Variants in ULK4 observed in about 807,000 individuals in gnomAD.
ULK4 encodes unc-51 like kinase 4, also known as inactive serine/threonine-protein kinase ULK4.
A neutral mutation model predicts 160.6 loss-of-function variants in ULK4; 133 were observed. The observed-to-expected ratio is 0.83, with a 90% confidence interval of 0.72 to 0.96. The LOEUF (loss-of-function observed/expected upper bound fraction) is 0.96. Among genes scored for constraint, ULK4 ranks in the 40% least tolerant of loss-of-function variants. The pLI, the probability that ULK4 is intolerant of heterozygous loss-of-function variation, is 0.00. For synonymous variants in ULK4, 534 were observed against 539.8 expected, an observed-to-expected ratio of 0.99 and a Z score of 0.15; for missense variants, 1,580 against 1,499.5, an observed-to-expected ratio of 1.05 and a Z score of -0.89.
Position 41,663,672 on chromosome 3 carries a change from G to C in ULK4, c.3006C>G (p.Asp1002Glu), listed in dbSNP as rs747942093. 2.7e-5 allele frequency: 44 copies of C among 1,613,790 alleles called. No homozygotes were observed. The highest frequency in any genetic ancestry group is 3.3e-5 in the Non-Finnish European group (39 of 1,179,890). ...GTTTCAGAGCATATGCTGGTACTGG[G>C]TCAGGTTCTAAAAGAATGTGCTCAT... is the stretch of plus-strand genomic sequence containing the variant. ...PQYEHILLEPDPVPAYALKLL... is the reference protein window; with the variant it reads ...PQYEHILLEPEPVPAYALKLL... Residue 1002 changes from aspartate to glutamate, a missense_variant, in exon 30 of 37, where the codon GAC (aspartate) becomes GAG (glutamate). Asp to Glu is a conservative substitution (Grantham distance 45). Coordinates refer to ENST00000301831, the MANE Select transcript of ULK4 (RefSeq NM_017886.4).
intron 35 of ULK4, among the ~76,000 whole-genome samples, chr3:41,380,696 G>A (rs2081630155): frequency 6.6e-6 from 1 of 152,010 alleles, no homozygotes; most frequent in South Asian, 2.1e-4. Flanking sequence ...TAAAGCCCAG[G>A]CCCCCCAGGT....
chr3:41,896,060 A>C (rs1164887211), intron 15 of ULK4, among the ~76,000 whole-genome samples: 2 of 152,178 alleles, frequency 1.3e-5, no homozygotes, highest in African/African-American at 4.8e-5. Context: ...AGACAGTCCA[A>C]AAAGTAATAT....
chr3:41,629,190 C>T (rs912359311), intron 30 of ULK4, among the ~76,000 whole-genome samples: 3 of 152,108 alleles, frequency 2.0e-5, no homozygotes, highest in Admixed American at 6.6e-5. Context: ...GGGGATGACT[C>T]GTCTTTGTTT....
At chr3:41,316,366 T>C (rs998142895) in intron 35 of ULK4, among the ~76,000 whole-genome samples, 1 of 152,188 alleles carries the variant, frequency 6.6e-6, no homozygotes, top group African/African-American at 2.4e-5. Flanking sequence ...AACCATTGAG[T>C]TGTACCTTTT....
At chr3:41,640,245 G>A (rs930901041) in intron 30 of ULK4, among the ~76,000 whole-genome samples, 3 of 152,138 alleles carry the variant, frequency 2.0e-5, no homozygotes, top group African/African-American at 7.2e-5. Context: ...ATACAAAACT[G>A]TAGAAACTCC....
At chr3:41,852,328 A>G (rs1388098449) in intron 17 of ULK4, among the ~76,000 whole-genome samples, 3 of 152,242 alleles carry the variant, frequency 2.0e-5, no homozygotes, top group African/African-American at 7.2e-5. Flanking sequence ...TTTTCATTTT[A>G]AAAAGTATAC....
chr3:41,468,444 C>T (rs1415558923), intron 32 of ULK4, among the ~76,000 whole-genome samples: 1 of 152,026 alleles, frequency 6.6e-6, no homozygotes, highest in Non-Finnish European at 1.5e-5. Context: ...CAAGGAATAA[C>T]TAGAATTAAA....
At chr3:41,955,983 A>G (rs1700469627) in intron 1 of ULK4, among the ~76,000 whole-genome samples, 1 of 152,178 alleles carries the variant, frequency 6.6e-6, no homozygotes, top group African/African-American at 2.4e-5. Flanking sequence ...GTCTGGAGGC[A>G]GGGAACCTAA....
intron 32 of ULK4, among the ~76,000 whole-genome samples, chr3:41,506,777 T>TATATATATATAA (rs2085402817): frequency 5.7e-5 from 1 of 17,426 alleles, no homozygotes; most frequent in African/African-American, 1.3e-4. Context: ...AATATATATA[T>TATATATATATAA]ATATATATAT....
At chr3:41,416,877 G>C (rs1251404563) in intron 34 of ULK4, among the ~76,000 whole-genome samples, 1 of 152,188 alleles carries the variant, frequency 6.6e-6, no homozygotes, top group Non-Finnish European at 1.5e-5. Flanking sequence ...ACTAGAGTTA[G>C]AATAAGGAAT....
intron 32 of ULK4, among the ~76,000 whole-genome samples, chr3:41,487,324 G>C (rs910585895): frequency 6.6e-6 from 1 of 152,048 alleles, no homozygotes; most frequent in African/African-American, 2.4e-5. Context: ...GATTTTTGAG[G>C]AACATAACAA....
intron 35 of ULK4, among the ~76,000 whole-genome samples, chr3:41,362,297 T>G (rs1257647287): frequency 6.6e-6 from 1 of 152,188 alleles, no homozygotes; most frequent in Non-Finnish European, 1.5e-5. Context: ...GAATTTTTTT[T>G]AGAACAAAGA....
At chr3:41,905,492 T>C (rs1348073263) in intron 12 of ULK4, among the ~76,000 whole-genome samples, 3 of 151,790 alleles carry the variant, frequency 2.0e-5, no homozygotes, top group Non-Finnish European at 2.9e-5. Flanking sequence ...AAAAGATAAA[T>C]TGGACTATAT....
intron 33 of ULK4, among the ~76,000 whole-genome samples, chr3:41,459,047 C>T (rs2083620900): frequency 6.7e-6 from 1 of 150,004 alleles, no homozygotes; most frequent in Non-Finnish European, 1.5e-5. Context: ...AGCCACCGTG[C>T]CCAGCCTTTA....
At chr3:41,314,417 G>T (rs1263030896) in intron 35 of ULK4, among the ~76,000 whole-genome samples, 3 of 151,926 alleles carry the variant, frequency 2.0e-5, no homozygotes, top group Non-Finnish European at 4.4e-5. Flanking sequence ...TATGTCCATT[G>T]TTTAGCTCCC....
At chr3:41,726,587 AAAC>A (rs1313918541) in intron 22 of ULK4, among the ~76,000 whole-genome samples, 2 of 152,276 alleles carry the variant, frequency 1.3e-5, no homozygotes, top group South Asian at 2.1e-4. Flanking sequence ...AACTGCAAAT[AAAC>A]AAGGTCAGAT....
intron 31 of ULK4, among the ~76,000 whole-genome samples, chr3:41,602,389 A>G (rs2125664435): frequency 6.7e-6 from 1 of 149,764 alleles, no homozygotes; most frequent in East Asian, 2.0e-4. Context: ...AGGGAAGGAG[A>G]ATTGGAAGGG....
rs71094650 is a variant in ULK4 at position 41,470,018 on chromosome 3, G to GAAAAAAAAAAAAAAAAAAAAAAAAAA, written c.3227-6791_3227-6766dup. Among the ~76,000 whole-genome samples the GAAAAAAAAAAAAAAAAAAAAAAAAAA allele has an allele frequency of 2.7e-3, 122 of 45,980 alleles. 4 individuals are homozygous for GAAAAAAAAAAAAAAAAAAAAAAAAAA. Among genetic ancestry groups the GAAAAAAAAAAAAAAAAAAAAAAAAAA allele is most frequent in the Non-Finnish European group, 3.4e-3 (89 of 26,536 alleles). 30.2% of individuals were successfully genotyped at this position (45,980 alleles called of 152,430 possible). A position where few individuals can be genotyped will look rare whatever the true frequency, so the allele number is the denominator to read the frequency against. ...GAGGAATTCAAGAAGAAACAGAACA[G>GAAAAAAAAAAAAAAAAAAAAAAAAAA]AAAAAAAAAAAAAAAAAAAAAAAAA... On this transcript the variant is annotated intron_variant, in intron 32 of 36. Coordinates refer to ENST00000301831, the MANE Select transcript of ULK4 (RefSeq NM_017886.4).
chr3:41,667,805 A>G (rs1356656465), intron 29 of ULK4, among the ~76,000 whole-genome samples: 2 of 152,224 alleles, frequency 1.3e-5, no homozygotes, highest in Admixed American at 6.5e-5. Context: ...CATTCACACT[A>G]AATTCAGATC....
Sources: gnomAD v4.1 joint callset for allele counts (sites outside exome capture counted in the v4.1 genomes callset) on GRCh38, gnomAD v4.1.1 for gene constraint, MANE v1.5 for transcripts, NCBI Gene and HGNC (gene_info 2026-07-23, HGNC 2026-07-21) for gene names.